ATF2: variants seen among roughly 807,000 people sequenced by gnomAD.
ATF2 encodes the protein cyclic AMP-dependent transcription factor ATF-2.
Under a neutral mutation model 60.6 loss-of-function variants are expected in ATF2, and 24 were observed. That is an observed-to-expected ratio of 0.40 (90% CI 0.29 to 0.56). The LOEUF (loss-of-function observed/expected upper bound fraction) is 0.56, where lower values mean the gene tolerates loss of function less well. ATF2 is among the 20% of genes least tolerant of loss of function. The pLI is 0.54. For missense variants in ATF2, 433 were observed against 607.7 expected (o/e 0.71, Z 3.02); for synonymous variants, 206 against 215.4 (o/e 0.96, Z 0.38).
At chr2:175,113,047 G>A (rs1412487937) in intron 9 of ATF2, among the ~76,000 whole-genome samples, 2 of 137,314 alleles carry the variant, frequency 1.5e-5, no homozygotes, top group Non-Finnish European at 3.1e-5. Flanking sequence ...GATTCATAAA[G>A]TAATATCGTA....
At chr2:175,167,169 TC>T (rs1419276112) in intron 1 of ATF2, among the ~76,000 whole-genome samples, 1 of 152,056 alleles carries the variant, frequency 6.6e-6, no homozygotes. Context: ...CAAAAATAGT[TC>T]CCAGCTCCTC....
Position 175,097,563 on chromosome 2 carries a change from G to C in ATF2, c.859C>G (p.Pro287Ala). 1 of 1,614,052 alleles carries C rather than the reference G, an allele frequency of 6.2e-7. No individual in the cohort carries two copies. The highest frequency in any genetic ancestry group is 8.5e-7 in the Non-Finnish European group (1 of 1,179,978). The change falls in exon 11 of 14, where the codon CCT (proline) becomes GCT (alanine). Residue 287 changes from proline (P) to alanine (A), a missense_variant. Physicochemically the swap from Pro to Ala is conservative, Grantham distance 27 (BLOSUM62 -1). Around this residue, in one of 5 missense-constraint regions of ATF2, gnomAD observed 246 missense variants for 309.3 expected, o/e 0.80. Transcript: ENST00000264110. ...ACAGTATCACCATTGGTAACTGGAG[G>C]ATGTTGCTGGGTCAAAGCAGCTTTT... Reference protein sequence around the residue: ...RLKAALTQQHPPVTNGDTVKG... With the variant: ...RLKAALTQQHAPVTNGDTVKG...
At chr2:175,135,114 G>A (rs1277044545) in intron 3 of ATF2, among the ~76,000 whole-genome samples, 1 of 151,630 alleles carries the variant, frequency 6.6e-6, no homozygotes, top group African/African-American at 2.4e-5. Flanking sequence ...GGGGGAGGAG[G>A]AGGAACAAGT....
rs758289753 is a variant in ATF2, at chr2:175,114,003, A to C, written c.732T>G (p.Ala244=). 1.2e-6 allele frequency: 2 copies of C among 1,607,968 alleles called. No homozygotes were observed. Among genetic ancestry groups the C allele is most frequent in the Non-Finnish European group, 1.7e-6 (2 of 1,176,338 alleles). ...AGTCTAACTTTCTTACTGGGACTGC[A>C]GCTGGAACATGCACATTAGAACTTG... ...SITSSNVHVP[A]AVPLVRPVTM... Residue 244 remains alanine, a synonymous_variant, in exon 9 of 14, where the codon GCT becomes GCG. Transcript: ENST00000264110.
chr2:175,128,372 T>C (rs1001600172), intron 4 of ATF2, among the ~76,000 whole-genome samples: 17 of 152,068 alleles, frequency 1.1e-4, no homozygotes, highest in African/African-American at 4.1e-4. Flanking sequence ...TGGTGGCGCA[T>C]GCCTGTAATC....
intron 10 of ATF2, among the ~76,000 whole-genome samples, chr2:175,108,322 G>T (rs1351920109): frequency 6.6e-6 from 1 of 151,196 alleles, no homozygotes; most frequent in African/African-American, 2.4e-5. Context: ...GGAGGGAGGT[G>T]GGGGGTCAAC....
chr2:175,097,354 GAGT>G, intron 11 of ATF2, 87 bp downstream of exon 11: 1 of 1,510,006 alleles, frequency 6.6e-7, no homozygotes, highest in Non-Finnish European at 9.0e-7. Flanking sequence ...AACATGACCA[GAGT>G]AATATTTTTT....
intron 2 of ATF2, among the ~76,000 whole-genome samples, chr2:175,148,249 A>AT (rs1699083950): frequency 6.6e-6 from 1 of 151,988 alleles, no homozygotes; most frequent in African/African-American, 2.4e-5. Flanking sequence ...AATTTATCTG[A>AT]TTGAGTTTCC....
chr2:175,133,095 A>T (rs899529359), intron 3 of ATF2, among the ~76,000 whole-genome samples: 23 of 152,072 alleles, frequency 1.5e-4, no homozygotes, highest in African/African-American at 3.6e-4. Flanking sequence ...TCTCAAAAAA[A>T]AAAAAAATAA....
chr2:175,117,909 A>T, intron 7 of ATF2, 81 bp downstream of exon 7: 1 of 1,401,884 alleles, frequency 7.1e-7, no homozygotes, highest in Non-Finnish European at 9.5e-7. Flanking sequence ...TTAATACATT[A>T]ACATTTTATG....
chr2:175,110,272 T>C (rs1014239532), intron 10 of ATF2, among the ~76,000 whole-genome samples: 1 of 151,330 alleles, frequency 6.6e-6, no homozygotes, highest in Non-Finnish European at 1.5e-5. Context: ...GAGGCGGAGG[T>C]TGCAGTGAGC....
chr2:175,103,677 TAAA>T (rs75197426), intron 10 of ATF2, among the ~76,000 whole-genome samples: 2 of 129,862 alleles, frequency 1.5e-5, no homozygotes, highest in African/African-American at 2.8e-5. Context: ...TCACACATCT[TAAA>T]AAAAAAAAAA....
At chr2:175,133,018 G>C (rs1166080224) in intron 3 of ATF2, among the ~76,000 whole-genome samples, 2 of 151,950 alleles carry the variant, frequency 1.3e-5, no homozygotes, top group African/African-American at 4.8e-5. Flanking sequence ...AACCTGGGGA[G>C]GTAGAGGTTG....
intron 5 of ATF2, among the ~76,000 whole-genome samples, chr2:175,119,507 A>G (rs931504947): frequency 6.6e-6 from 1 of 151,596 alleles, no homozygotes; most frequent in Middle Eastern, 3.2e-3. Context: ...TTTACTATGT[A>G]CAAATATATT....
chr2:175,112,347 G>A (rs544555009), intron 9 of ATF2, among the ~76,000 whole-genome samples: 3 of 151,896 alleles, frequency 2.0e-5, no homozygotes, highest in African/African-American at 7.3e-5. Context: ...CCTTATATCT[G>A]AGTCCTTACA....
intron 12 of ATF2, chr2:175,092,690 GAAGA>G (rs1416805808): frequency 2.6e-6 from 1 of 389,034 alleles, no homozygotes; most frequent in Non-Finnish European, 5.0e-6. Flanking sequence ...AACTGCTACT[GAAGA>G]AACTTATAGT....
chr2:175,153,189 T>C (rs564065820), intron 1 of ATF2, among the ~76,000 whole-genome samples: 4 of 152,310 alleles, frequency 2.6e-5, no homozygotes, highest in South Asian at 4.1e-4. Context: ...CACCCAGACT[T>C]TGAACAACAT....
intron 12 of ATF2, among the ~76,000 whole-genome samples, chr2:175,088,819 AG>A (rs2105572527): frequency 6.6e-6 from 1 of 150,992 alleles, no homozygotes; most frequent in South Asian, 2.1e-4. Context: ...TGCAAGACAA[AG>A]CTATAAACAG....
chr2:175,161,143 G>A (rs1700003688), intron 1 of ATF2, among the ~76,000 whole-genome samples: 2 of 152,170 alleles, frequency 1.3e-5, no homozygotes, highest in African/African-American at 4.8e-5. Context: ...GAAAATGTCT[G>A]AGAAGGGGTA....
Sources: gnomAD v4.1 joint callset for allele counts (sites outside exome capture counted in the v4.1 genomes callset) on GRCh38, gnomAD v4.1.1 for gene constraint, gnomAD v4.1.1 regional missense constraint, MANE v1.5 for transcripts, NCBI Gene and HGNC (gene_info 2026-07-23, HGNC 2026-07-21) for gene names.